HERC3: variants seen among roughly 807,000 people sequenced by gnomAD.
HERC3 encodes the protein HECT and RLD domain containing E3 ubiquitin protein ligase 3.
A neutral mutation model predicts 129.9 loss-of-function variants in HERC3; 58 were observed. The observed-to-expected ratio is 0.45, with a 90% CI of 0.36 to 0.56. The LOEUF (loss-of-function observed/expected upper bound fraction) is 0.56, where lower values mean the gene tolerates loss of function less well. Among genes scored for constraint, HERC3 ranks in the 20% least tolerant of loss-of-function variants. HERC3 has a pLI of 0.00. For synonymous variants in HERC3, 430 were observed against 451.0 expected (o/e 0.95, Z 0.59); for missense variants, 835 against 1,244.2 (o/e 0.67, Z 4.95).
chr4:88,591,575 G>A (rs140242814), upstream of HERC3, among the ~76,000 whole-genome samples: 1,365 of 152,204 alleles, frequency 9.0e-3, 18 homozygotes, highest in African/African-American at 0.031. Context: ...CCGTGCCAGT[G>A]TTCTGCATTT....
chr4:88,697,139 T>G, intron 23 of HERC3: 1 of 1,423,280 alleles, frequency 7.0e-7, no homozygotes, highest in African/African-American at 1.4e-5. Flanking sequence ...AGTCCATCGA[T>G]ATTCTGGGAA....
chr4:88,589,275 G>C (rs1297318079), upstream of HERC3, among the ~76,000 whole-genome samples: 3 of 152,062 alleles, frequency 2.0e-5, no homozygotes, highest in African/African-American at 7.2e-5. Flanking sequence ...GAGAGACAGG[G>C]ACTCACTATG....
intron 23 of HERC3, among the ~76,000 whole-genome samples, chr4:88,690,973 G>A (rs947532312): frequency 6.6e-6 from 1 of 152,200 alleles, no homozygotes; most frequent in Non-Finnish European, 1.5e-5. Flanking sequence ...ACTAAATTGG[G>A]TGGTTGAATC....
intron 3 of HERC3, among the ~76,000 whole-genome samples, chr4:88,609,049 G>T (rs1402952137): frequency 6.6e-6 from 1 of 151,250 alleles, no homozygotes; most frequent in Admixed American, 6.6e-5. Flanking sequence ...ATCACTTTGG[G>T]AGGCCAAGGC....
intron 21 of HERC3, among the ~76,000 whole-genome samples, chr4:88,685,455 G>T (rs1482267109): frequency 6.6e-6 from 1 of 152,192 alleles, no homozygotes. Context: ...CAGGGACATG[G>T]ATGAAGCTGG....
chr4:88,619,871 C>T (rs1341620188), intron 3 of HERC3, among the ~76,000 whole-genome samples: 3 of 152,168 alleles, frequency 2.0e-5, no homozygotes, highest in Non-Finnish European at 4.4e-5. Flanking sequence ...AAACGAGATT[C>T]CACTTTTTCA....
At chr4:88,593,272 T>C (rs1721949110) in intron 1 of HERC3, 1 of 152,248 alleles carries the variant, frequency 6.6e-6, no homozygotes, top group Non-Finnish European at 1.5e-5. Flanking sequence ...TGTGTGTGTG[T>C]GTGTACGCCG....
the HERC3 span, among the ~76,000 whole-genome samples, chr4:88,540,783 C>T: frequency 2.2e-3 from 342 of 152,200 alleles, 1 homozygote; most frequent in Non-Finnish European, 4.0e-3. Flanking sequence ...AGAGTGGGAG[C>T]CAATATTCAA....
At chr4:88,589,605 A>G (rs1721611483), upstream of HERC3, among the ~76,000 whole-genome samples, 1 of 152,222 alleles carries the variant, frequency 6.6e-6, no homozygotes, top group African/African-American at 2.4e-5. Context: ...GAATGCAGAA[A>G]GAAATGGATG....
At chr4:88,577,778 C>T in the HERC3 span, among the ~76,000 whole-genome samples, 1 of 151,932 alleles carries the variant, frequency 6.6e-6, no homozygotes, top group Non-Finnish European at 1.5e-5. Context: ...AATGACAGTA[C>T]TGTTTGATGA....
At chr4:88,530,753 A>G in the HERC3 span, among the ~76,000 whole-genome samples, 1 of 152,344 alleles carries the variant, frequency 6.6e-6, no homozygotes, top group East Asian at 1.9e-4. Flanking sequence ...TTCTGTGTAT[A>G]ACATTTCAAA....
Position 88,706,884 on chromosome 4 carries a change from A to G in HERC3, c.3077A>G (p.Lys1026Arg). ...HTCYNLLDLP[K>R]YSSKEILSAR... ...TGCTACAACCTTCTTGACCTCCCCA[A>G]GTACAGCAGCAAAGAGATTCTGAGT... Residue 1026 changes from lysine to arginine, a missense_variant, in exon 26 of 26, where the codon AAG becomes AGG. Lys to Arg is a conservative substitution (Grantham distance 26, BLOSUM62 2). Transcript: ENST00000402738. 1 of 1,614,170 alleles carries G rather than the reference A, an allele frequency of 6.2e-7. No homozygotes were observed. The highest frequency in any genetic ancestry group is 1.1e-5 in the South Asian group (1 of 91,086).
At chr4:88,589,235 G>A (rs1578119352), upstream of HERC3, among the ~76,000 whole-genome samples, 5 of 152,016 alleles carry the variant, frequency 3.3e-5, no homozygotes, top group East Asian at 7.8e-4. Context: ...GACTAAAGGC[G>A]TGCCCCACCA....
chr4:88,574,607 C>T, the HERC3 span, among the ~76,000 whole-genome samples: 1 of 152,184 alleles, frequency 6.6e-6, no homozygotes, highest in Non-Finnish European at 1.5e-5. Flanking sequence ...CAGGCCCTGA[C>T]AATCATTCTG....
At chr4:88,577,605 G>A in the HERC3 span, among the ~76,000 whole-genome samples, 2 of 131,836 alleles carry the variant, frequency 1.5e-5, no homozygotes, top group African/African-American at 4.1e-5. Context: ...GTATGTGTGT[G>A]TATATATATA....
chr4:88,701,370 C>T (rs1479038784), intron 23 of HERC3, among the ~76,000 whole-genome samples: 1 of 152,214 alleles, frequency 6.6e-6, no homozygotes, highest in Non-Finnish European at 1.5e-5. Context: ...CACTGTATTA[C>T]ACCATTTGTT....
chr4:88,642,156 A>G (rs945607117), intron 3 of HERC3, among the ~76,000 whole-genome samples: 1 of 150,680 alleles, frequency 6.6e-6, no homozygotes, highest in Admixed American at 6.6e-5. Context: ...AAAAAAAGGA[A>G]GGAAGAAATC....
rs1732315031 is a variant in HERC3, at chr4:88,677,643, G to T, written c.2026-321G>T. ...CTTTTCCTGCCATTTTGAAAGTTGT[G>T]GTTTTTACCCACTTTCTACCATGTT... On this transcript the variant is annotated intron_variant, in intron 18 of 25. Coordinates refer to ENST00000402738, the MANE Select transcript of HERC3 (RefSeq NM_014606.3). Among the ~76,000 whole-genome samples, 8 of 151,908 alleles carry T rather than the reference G, an allele frequency of 5.3e-5. 1 individual carries two copies. In the South Asian group the frequency reaches 1.7e-3, roughly 32 times the overall value.
At chr4:88,603,502 C>T (rs558107912) in intron 2 of HERC3, among the ~76,000 whole-genome samples, 10 of 152,182 alleles carry the variant, frequency 6.6e-5, no homozygotes, top group South Asian at 4.1e-4. Context: ...CCACCATGCC[C>T]GGCCAATCGC....
Sources: gnomAD v4.1 joint callset for allele counts (sites outside exome capture counted in the v4.1 genomes callset) on GRCh38, gnomAD v4.1.1 for gene constraint, MANE v1.5 for transcripts, NCBI Gene and HGNC (gene_info 2026-07-23, HGNC 2026-07-21) for gene names.